CFAP69: variants seen among roughly 807,000 people sequenced by gnomAD.
The protein encoded by CFAP69 is cilia and flagella associated protein 69.
CFAP69 carries 92 observed loss-of-function variants against 123.0 expected under a neutral mutation model. The observed-to-expected ratio is 0.75, with a 90% confidence interval of 0.63 to 0.89. The LOEUF (loss-of-function observed/expected upper bound fraction) is 0.89, where lower values mean the gene tolerates loss of function less well. Ranked by LOEUF, CFAP69 falls within the 40% of genes least tolerant of loss-of-function variation. The pLI is 0.00. For synonymous variants in CFAP69, 380 were observed against 364.3 expected, an observed-to-expected ratio of 1.04 and a Z score of -0.49; for missense variants, 1,067 against 1,096.9, an observed-to-expected ratio of 0.97 and a Z score of 0.39.
At position 90,300,196 on chromosome 7, in the gene CFAP69, A is replaced by G; in HGVS notation, c.2050+137A>G. The G allele has an allele frequency of 2.5e-6, 3 of 1,195,028 alleles. No individual in the cohort carries two copies. In the South Asian group the frequency reaches 1.2e-4, roughly 47 times the overall value. 74.0% of individuals were successfully genotyped at this position (1,195,028 alleles called of 1,614,324 possible). On this transcript the variant is annotated intron_variant, in intron 17 of 22. Transcript: ENST00000389297. ...TTTTTTTTTTACAAGGGTTTGAAAA[A>G]TTTGCTATCCTAAGTGACTGGAAGA...
chr7:90,252,690 A>G (rs1797172808), intron 1 of CFAP69, among the ~76,000 whole-genome samples: 1 of 152,182 alleles, frequency 6.6e-6, no homozygotes, highest in Admixed American at 6.5e-5. Context: ...ATAAAAATAA[A>G]TATAATTTTG....
chr7:90,271,550 A>G lies in CFAP69; in HGVS notation c.557A>G (p.Tyr186Cys). The change falls in exon 7 of 23, where the codon TAC becomes TGC. Residue 186 changes from tyrosine to cysteine, a missense_variant. Tyr to Cys is a radical substitution (Grantham distance 194). Transcript: ENST00000389297. ...GGTTACCAGCAAGCGAGTTCATCATACAAGATTCAAATGGCTGAAGTTGGA... is the reference window on the plus strand; with the variant it reads ...GGTTACCAGCAAGCGAGTTCATCATGCAAGATTCAAATGGCTGAAGTTGGA... ...IPGYQQASSSYKIQMAEVGGL... is the reference protein window; with the variant it reads ...IPGYQQASSSCKIQMAEVGGL... 1 of 1,612,368 alleles carries G rather than the reference A, an allele frequency of 6.2e-7. No homozygotes were observed. The highest frequency in any genetic ancestry group is 1.3e-5 in the African/African-American group (1 of 74,988).
chr7:90,321,716 T>C, the CFAP69 span, among the ~76,000 whole-genome samples: 1 of 152,200 alleles, frequency 6.6e-6, no homozygotes, highest in Non-Finnish European at 1.5e-5. Flanking sequence ...GGTTCTAATC[T>C]CTAGCTAAAC....
chr7:90,284,400 A>G (rs1295732553), intron 13 of CFAP69, among the ~76,000 whole-genome samples: 1 of 152,222 alleles, frequency 6.6e-6, no homozygotes, highest in Non-Finnish European at 1.5e-5. Context: ...CCATGTAACC[A>G]AAAACCACCT....
chr7:90,250,223 AG>A (rs1562832526), intron 1 of CFAP69, among the ~76,000 whole-genome samples: 8 of 121,566 alleles, frequency 6.6e-5, no homozygotes, highest in Non-Finnish European at 1.0e-4. Context: ...AGAGAGAGAG[AG>A]AGAGAGAGAG....
At position 90,250,198 on chromosome 7, in the gene CFAP69, G is replaced by T. The variant is rs1350261798; in HGVS notation, c.120+4654G>T. ...ACTCTTTAAAGAGAGGAGAGAGAGA[G>T]AGAGAGAGAGAGAGAGAGAGAGAGA... is the stretch of plus-strand genomic sequence containing the variant. On this transcript the variant is annotated intron_variant, in intron 1 of 22. Transcript: ENST00000389297. Among the ~76,000 whole-genome samples the T allele has an allele frequency of 2.6e-4, 7 of 26,684 alleles. 1 individual carries two copies. Among genetic ancestry groups the T allele is most frequent in the African/African-American group, 1.1e-3 (7 of 6,582 alleles). The allele number at this position is 26,684 out of a possible 152,430, so 17.5% of individuals were successfully genotyped here. A position where few individuals can be genotyped will look rare whatever the true frequency, so the allele number is the denominator to read the frequency against.
intron 14 of CFAP69, chr7:90,287,675 C>T: frequency 1.0e-6 from 1 of 985,482 alleles, no homozygotes; most frequent in Non-Finnish European, 1.2e-6. Flanking sequence ...CCACCCTGTG[C>T]CTGGGCTCCT....
intron 6 of CFAP69, among the ~76,000 whole-genome samples, chr7:90,270,707 A>G (rs991605124): frequency 2.0e-5 from 3 of 152,126 alleles, no homozygotes; most frequent in Non-Finnish European, 4.4e-5. Flanking sequence ...AAAATCAAAA[A>G]GTCAGGGTGT....
At chr7:90,271,444 TTAA>T in intron 6 of CFAP69, 79 bp from the exon 7 acceptor site, 5 of 1,418,340 alleles carry the variant, frequency 3.5e-6, no homozygotes, top group Non-Finnish European at 4.8e-6. Flanking sequence ...TTGCTGTTGC[TTAA>T]TAATAAATTA....
intron 14 of CFAP69, among the ~76,000 whole-genome samples, chr7:90,286,959 GC>G (rs571119788): frequency 0.02 from 2,958 of 151,452 alleles, 93 homozygotes; most frequent in East Asian, 0.11. Flanking sequence ...GTTGTGGTGT[GC>G]GCCTGTAATC....
intron 18 of CFAP69, 196 bp from the exon 19 acceptor site, chr7:90,304,548 T>C (rs1002772822): frequency 7.4e-7 from 1 of 1,358,590 alleles, no homozygotes. Flanking sequence ...AGAAATGTGT[T>C]ATAGAAAGAA....
At chr7:90,307,896 A>G (rs4728881) in intron 21 of CFAP69, 42 bp downstream of exon 21, 289,849 of 1,276,058 alleles carry the variant, frequency 0.23, 41,040 homozygotes, top group East Asian at 0.69. Flanking sequence ...ACAAATAGCC[A>G]ACTCTTACAG....
intron 4 of CFAP69, among the ~76,000 whole-genome samples, chr7:90,263,886 G>A (rs1798674122): frequency 6.6e-6 from 1 of 151,384 alleles, no homozygotes. Flanking sequence ...GTCAGGAGAT[G>A]GAGACCATCC....
At chr7:90,304,237 A>G (rs1186381504) in intron 18 of CFAP69, 131 bp downstream of exon 18, 2 of 1,388,070 alleles carry the variant, frequency 1.4e-6, no homozygotes, top group Admixed American at 3.1e-5. Context: ...TTCCATTGTT[A>G]CCCCAATTCC....
Position 90,258,132 on chromosome 7 carries a change from A to C in CFAP69, c.215A>C (p.Lys72Thr). 1 of 1,611,130 alleles carries C rather than the reference A, an allele frequency of 6.2e-7. No homozygotes were observed. Among genetic ancestry groups the C allele is most frequent in the Non-Finnish European group, 8.5e-7 (1 of 1,178,520 alleles). The change falls in exon 3 of 23, where the codon AAG (lysine) becomes ACG (threonine). Residue 72 changes from lysine (K) to threonine (T), a missense_variant. By Grantham distance (78) the Lys-to-Thr change is moderately conservative. Coordinates refer to ENST00000389297, the MANE Select transcript of CFAP69 (RefSeq NM_001039706.3). ...GLEEKQLKFVKKLVQCYQNGL... is the reference protein window; with the variant it reads ...GLEEKQLKFVTKLVQCYQNGL... Reference sequence around the variant, plus strand: ...GAAGAAAAACAACTTAAATTTGTCAAGAAACTGGTACAGTGTTATCAGAAT... The same window carrying C: ...GAAGAAAAACAACTTAAATTTGTCACGAAACTGGTACAGTGTTATCAGAAT...
intron 16 of CFAP69, 30 bp from the exon 17 acceptor site, chr7:90,299,837 C>T: frequency 1.3e-6 from 2 of 1,512,512 alleles, no homozygotes. Flanking sequence ...TTTATTGCAA[C>T]TTTTTTCCTT....
At chr7:90,291,234 T>C (rs1791138157) in intron 15 of CFAP69, among the ~76,000 whole-genome samples, 2 of 152,164 alleles carry the variant, frequency 1.3e-5, no homozygotes, top group African/African-American at 4.8e-5. Context: ...TGGTTATTTC[T>C]TGATGATATG....
chr7:90,284,046 C>G (rs1420696476), intron 13 of CFAP69, among the ~76,000 whole-genome samples: 2 of 152,100 alleles, frequency 1.3e-5, no homozygotes, highest in African/African-American at 4.8e-5. Flanking sequence ...AAAACTCAGT[C>G]TAACTAGAGG....
At chr7:90,274,912 C>T (rs1788363884) in intron 9 of CFAP69, among the ~76,000 whole-genome samples, 3 of 152,182 alleles carry the variant, frequency 2.0e-5, no homozygotes, top group Admixed American at 2.0e-4. Context: ...ATTTTTTCAG[C>T]CCCATTCTCT....
Sources: allele counts gnomAD v4.1 joint callset (sites outside exome capture counted in the v4.1 genomes callset), GRCh38; gene constraint gnomAD v4.1.1; transcripts MANE v1.5; gene names NCBI Gene and HGNC (gene_info 2026-07-23, HGNC 2026-07-21).